The following SBNO1 variants were observed in gnomAD, a reference collection of about 807,000 sequenced individuals.
The protein encoded by SBNO1 is strawberry notch homolog 1.
In SBNO1, 23 loss-of-function variants were observed where a neutral mutation model predicts 173.6. The observed-to-expected ratio is 0.13, with a 90% CI of 0.10 to 0.19. SBNO1 has a LOEUF of 0.19. Ranked by LOEUF, SBNO1 falls within the 10% of genes least tolerant of loss-of-function variation. SBNO1 has a pLI of 1.00. For missense variants in SBNO1, 1,238 were observed against 1,671.2 expected (o/e 0.74, Z 4.52); for synonymous variants, 632 against 571.5 (o/e 1.11, Z -1.51).
intron 1 of SBNO1, among the ~76,000 whole-genome samples, chr12:123,359,637 A>G (rs1458707057): frequency 6.6e-6 from 1 of 152,026 alleles, no homozygotes; most frequent in Middle Eastern, 3.2e-3. Flanking sequence ...TTACTGTGGG[A>G]TGCAATAAAA....
At chr12:123,342,647 G>T (rs1180813102) in intron 4 of SBNO1, among the ~76,000 whole-genome samples, 2 of 152,120 alleles carry the variant, frequency 1.3e-5, no homozygotes, top group African/African-American at 4.8e-5. Context: ...CTATACCACT[G>T]GTTTTCAAAC....
intron 29 of SBNO1, among the ~76,000 whole-genome samples, chr12:123,304,002 C>T (rs2048855298): frequency 7.8e-6 from 1 of 128,548 alleles, no homozygotes; most frequent in South Asian, 2.6e-4. Flanking sequence ...TCTCGGCTTA[C>T]TGCAAGCCTC....
At chr12:123,311,317 T>TGA (rs1232188687) in intron 24 of SBNO1, among the ~76,000 whole-genome samples, 188 bp from the exon 25 acceptor site, 9 of 152,188 alleles carry the variant, frequency 5.9e-5, no homozygotes, top group Admixed American at 5.9e-4. Context: ...CCTAAGAAGG[T>TGA]GAGAATGGAA....
Position 123,311,691 on chromosome 12 carries a change from C to CAATCTATCTAT in SBNO1, c.3221-563_3221-562insATAGATAGATT, listed in dbSNP as rs1424278237. On this transcript the variant is annotated intron_variant, in intron 24 of 31. Transcript: ENST00000602398. ...GTCATTACTTATAATAAACAAGTAA[C>CAATCTATCTAT]CTATCTATCTATCTATCTATCTATC... Among the ~76,000 whole-genome samples the CAATCTATCTAT allele has an allele frequency of 1.3e-3, 164 of 121,772 alleles. 2 individuals carry two copies. The highest frequency in any genetic ancestry group is 1.8e-3 in the Non-Finnish European group (109 of 60,280). The allele number at this position is 121,772 out of a possible 152,430, so 79.9% of individuals were successfully genotyped here.
chr12:123,355,651 C>T (rs571668416), intron 1 of SBNO1, among the ~76,000 whole-genome samples: 1 of 152,058 alleles, frequency 6.6e-6, no homozygotes, highest in Admixed American at 6.6e-5. Flanking sequence ...GGTGCAGTGA[C>T]ATGCACCTGT....
chr12:123,344,563 C>T (rs1356225699), intron 4 of SBNO1, among the ~76,000 whole-genome samples: 3 of 152,192 alleles, frequency 2.0e-5, no homozygotes. Context: ...AAAACACAAG[C>T]AGGCCGGGCA....
intron 1 of SBNO1, among the ~76,000 whole-genome samples, chr12:123,352,766 C>T (rs1874031212): frequency 6.6e-6 from 1 of 152,010 alleles, no homozygotes; most frequent in African/African-American, 2.4e-5. Context: ...GGGCAGACCA[C>T]TGTGTAGAAG....
intron 31 of SBNO1, among the ~76,000 whole-genome samples, chr12:123,297,427 A>G (rs1028674458): frequency 1.3e-5 from 2 of 148,684 alleles, no homozygotes; most frequent in Admixed American, 1.3e-4. Flanking sequence ...AAAAAATTCC[A>G]TAGACTGACT....
At chr12:123,342,715 G>C (rs1435180061) in intron 4 of SBNO1, among the ~76,000 whole-genome samples, 2 of 152,076 alleles carry the variant, frequency 1.3e-5, no homozygotes, top group Non-Finnish European at 2.9e-5. Flanking sequence ...AGAGCTACTT[G>C]ACTGAATAGG....
intron 29 of SBNO1, among the ~76,000 whole-genome samples, chr12:123,303,922 CTTTT>C (rs11413728): frequency 3.0e-4 from 30 of 100,468 alleles, no homozygotes; most frequent in Admixed American, 2.5e-3. Context: ...AATAAGTATT[CTTTT>C]TTTTTTTTTT....
At chr12:123,345,086 C>T (rs913399840) in intron 4 of SBNO1, among the ~76,000 whole-genome samples, 172 bp downstream of exon 4, 5 of 152,170 alleles carry the variant, frequency 3.3e-5, no homozygotes, top group Non-Finnish European at 5.9e-5. Flanking sequence ...CTACCCAAGG[C>T]ATCTAAACTT....
In SBNO1 at chr12:123,364,764, G is replaced by A; in HGVS notation, c.-64C>T. 1.0e-6 allele frequency: 1 copy of A among 989,358 alleles called. No homozygotes were observed. The highest frequency in any genetic ancestry group is 1.2e-6 in the Non-Finnish European group (1 of 832,644). The allele number at this position is 989,358 out of a possible 1,614,324, so 61.3% of individuals were successfully genotyped here. A position where few individuals can be genotyped will look rare whatever the true frequency, so the allele number is the denominator to read the frequency against. ...GGAGGTGTGAGTTTGAAGGACCAGA[G>A]GCGACTGGAGCGGAGGCGGCGGTGG... On this transcript the variant is annotated 5_prime_UTR_variant, in exon 1 of 32. Transcript: ENST00000602398.
chr12:123,315,270 G>T, intron 23 of SBNO1, 103 bp downstream of exon 23: 1 of 823,694 alleles, frequency 1.2e-6, no homozygotes, highest in Non-Finnish European at 2.0e-6. Context: ...AAATGCATAG[G>T]AGAGGCAGTT....
intron 6 of SBNO1, among the ~76,000 whole-genome samples, chr12:123,335,314 C>G (rs1205112706): frequency 5.3e-5 from 8 of 152,146 alleles, no homozygotes; most frequent in Non-Finnish European, 1.2e-4. Flanking sequence ...TGGTGCACAC[C>G]TGTAATCCTA....
At chr12:123,303,922 C>CTTTTTTTTTTTTTTTTTTT (rs11413728) in intron 29 of SBNO1, among the ~76,000 whole-genome samples, 1 of 100,464 alleles carries the variant, frequency 1.0e-5, no homozygotes, top group Non-Finnish European at 1.8e-5. Flanking sequence ...AATAAGTATT[C>CTTTTTTTTTTTTTTTTTTT]TTTTTTTTTT....
At chr12:123,348,501 T>C (rs2139067591) in intron 2 of SBNO1, among the ~76,000 whole-genome samples, 1 of 152,242 alleles carries the variant, frequency 6.6e-6, no homozygotes, top group Middle Eastern at 3.4e-3. Context: ...GCGCAGTGGC[T>C]CACGCCTGTA....
At chr12:123,311,006 T>C (rs776972412) in intron 25 of SBNO1, 49 bp downstream of exon 25, 1 of 1,314,026 alleles carries the variant, frequency 7.6e-7, no homozygotes, top group Non-Finnish European at 1.1e-6. Flanking sequence ...ATAATGGACT[T>C]TAATACTATA....
intron 8 of SBNO1, 129 bp from the exon 9 acceptor site, chr12:123,330,638 C>T (rs1871106495): frequency 2.3e-6 from 1 of 440,980 alleles, no homozygotes. Context: ...TACACTTACT[C>T]ATTAAAACAC....
At chr12:123,297,864 A>C in intron 31 of SBNO1, 114 bp downstream of exon 31, 1 of 899,530 alleles carries the variant, frequency 1.1e-6, no homozygotes, top group Non-Finnish European at 1.8e-6. Context: ...TCCCATACCC[A>C]CTACTGGAAG....
Sources: allele counts gnomAD v4.1 joint callset (sites outside exome capture counted in the v4.1 genomes callset), GRCh38; gene constraint gnomAD v4.1.1; transcripts MANE v1.5; gene names NCBI Gene and HGNC (gene_info 2026-07-23, HGNC 2026-07-21).